GPR149: variants seen among roughly 807,000 people sequenced by gnomAD.
GPR149 encodes G protein-coupled receptor 149.
Under a neutral mutation model 50.2 loss-of-function variants are expected in GPR149, and 50 were observed. The ratio of observed to expected loss-of-function variants is 1.00; its 90% confidence interval spans 0.79 to 1.26. The LOEUF (loss-of-function observed/expected upper bound fraction) is 1.26. GPR149 is among the 50% of genes most tolerant of loss of function. The probability of loss-of-function intolerance (pLI) is 0.00; values close to 1 mark genes in which losing one functional copy is unlikely to be tolerated. For synonymous variants in GPR149, 405 were observed against 358.2 expected (o/e 1.13, Z -1.48); for missense variants, 983 against 895.4 (o/e 1.10, Z -1.25).
intron 3 of GPR149, among the ~76,000 whole-genome samples, chr3:154,407,600 A>C (rs1711730286): frequency 6.6e-6 from 1 of 151,988 alleles, no homozygotes; most frequent in Non-Finnish European, 1.5e-5. Flanking sequence ...ACTTGTTTTA[A>C]AATTATTAAT....
Position 154,337,943 on chromosome 3 carries a change from G to T in GPR149, c.1952C>A (p.Ser651Tyr). ...SQSSTQVRSP[S>Y]LRYSRKENRF... The stretch of plus-strand genomic sequence containing the variant: ...GTTTTCTTTCCTGGAGTAACGTAGG[G>T]ATGGAGATCTGACTTGTGTGGAGGA... The change falls in exon 4 of 4, where the codon TCC becomes TAC. Residue 651 changes from serine (S) to tyrosine (Y), a missense_variant. Transcript: ENST00000389740. 6.2e-7 allele frequency: 1 copy of T among 1,613,638 alleles called. No homozygotes were observed. Among genetic ancestry groups the T allele is most frequent in the South Asian group, 1.1e-5 (1 of 91,028 alleles).
chr3:154,394,698 C>T (rs764465480), intron 3 of GPR149, among the ~76,000 whole-genome samples: 3 of 152,056 alleles, frequency 2.0e-5, no homozygotes, highest in Non-Finnish European at 4.4e-5. Flanking sequence ...ATAAGGAACT[C>T]ATACAACTCA....
chr3:154,357,280 T>C (rs1326550850), intron 3 of GPR149, among the ~76,000 whole-genome samples: 1 of 152,058 alleles, frequency 6.6e-6, no homozygotes, highest in Admixed American at 6.6e-5. Context: ...GGGCAAGGAC[T>C]TCATGTCTAA....
intron 3 of GPR149, among the ~76,000 whole-genome samples, chr3:154,416,485 T>C (rs1021660663): frequency 2.6e-5 from 4 of 151,872 alleles, no homozygotes; most frequent in Non-Finnish European, 5.9e-5. Flanking sequence ...AGCTCTGATC[T>C]AAAGAGCTCA....
At position 154,349,711 on chromosome 3, in the gene GPR149, A is replaced by G. The variant is rs573911520; in HGVS notation, c.1624-11440T>C. 6.6e-5 allele frequency among the ~76,000 whole-genome samples: 10 copies of G among 152,352 alleles called. No individual in the cohort carries two copies. In the South Asian group the frequency reaches 1.9e-3, roughly 28 times the overall value. On this transcript the variant is annotated intron_variant, in intron 3 of 3. Coordinates refer to ENST00000389740, the MANE Select transcript of GPR149 (RefSeq NM_001038705.3). ...CACAATCTCTTACAGAAAATACAAGACAAAGGAATACTTCTTGATTCATTT... is the reference window on the plus strand; with the variant it reads ...CACAATCTCTTACAGAAAATACAAGGCAAAGGAATACTTCTTGATTCATTT...
intron 3 of GPR149, among the ~76,000 whole-genome samples, chr3:154,420,804 A>C (rs1239270590): frequency 6.6e-6 from 1 of 151,952 alleles, no homozygotes; most frequent in Admixed American, 6.6e-5. Flanking sequence ...ACCCTTCTTA[A>C]AGAGCCTGTT....
At chr3:154,385,741 G>A (rs1393152025) in intron 3 of GPR149, among the ~76,000 whole-genome samples, 4 of 141,932 alleles carry the variant, frequency 2.8e-5, no homozygotes, top group African/African-American at 7.9e-5. Context: ...TTGCTCTGTC[G>A]CCCAGGCTGG....
rs556194406 is a variant in GPR149 at position 154,375,607 on chromosome 3, A to T, written c.1624-37336T>A. ...GTCTTATCAAACATTTTAACAGATG[A>T]ATTATGTTGAAAATAGACAGATATT... On this transcript the variant is annotated intron_variant, in intron 3 of 3. Transcript: ENST00000389740. Among the ~76,000 whole-genome samples, 7 of 152,294 alleles carry T rather than the reference A, an allele frequency of 4.6e-5. No individual in the cohort carries two copies. The East Asian group carries it at 1.4e-3, about 29-fold the overall frequency.
intron 3 of GPR149, among the ~76,000 whole-genome samples, chr3:154,358,365 C>G (rs971051384): frequency 2.0e-5 from 3 of 152,026 alleles, no homozygotes; most frequent in Admixed American, 2.0e-4. Context: ...TCTTCCTATT[C>G]CAACATTCTA....
At chr3:154,386,575 T>G (rs1294429597) in intron 3 of GPR149, among the ~76,000 whole-genome samples, 3 of 152,236 alleles carry the variant, frequency 2.0e-5, no homozygotes, top group Non-Finnish European at 2.9e-5. Context: ...CCCTTTGTAG[T>G]GCAAACCAAT....
At chr3:154,341,978 T>A (rs1407939622) in intron 3 of GPR149, among the ~76,000 whole-genome samples, 2 of 152,188 alleles carry the variant, frequency 1.3e-5, no homozygotes, top group Non-Finnish European at 2.9e-5. Flanking sequence ...AATGAGTTAA[T>A]CAAATAAACT....
At chr3:154,369,541 G>A (rs1041691201) in intron 3 of GPR149, among the ~76,000 whole-genome samples, 1 of 151,986 alleles carries the variant, frequency 6.6e-6, no homozygotes, top group Non-Finnish European at 1.5e-5. Flanking sequence ...CCTCCATCCG[G>A]TCCCACCGAA....
chr3:154,378,108 G>A (rs1714836286), intron 3 of GPR149, among the ~76,000 whole-genome samples: 1 of 137,380 alleles, frequency 7.3e-6, no homozygotes, highest in Non-Finnish European at 1.5e-5. Context: ...TTTTGAGATG[G>A]AGTCCCCTCT....
chr3:154,367,119 G>C (rs1379961479), intron 3 of GPR149, among the ~76,000 whole-genome samples: 2 of 152,160 alleles, frequency 1.3e-5, no homozygotes, highest in Non-Finnish European at 2.9e-5. Context: ...GGAGGTTCCA[G>C]CTGAGCTTCC....
chr3:154,380,379 G>T (rs1340104726), intron 3 of GPR149, among the ~76,000 whole-genome samples: 4 of 152,074 alleles, frequency 2.6e-5, no homozygotes, highest in Admixed American at 2.6e-4. Context: ...TCTACTATTT[G>T]AATTGATGTC....
At chr3:154,399,475 G>A (rs1576921783) in intron 3 of GPR149, among the ~76,000 whole-genome samples, 1 of 152,162 alleles carries the variant, frequency 6.6e-6, no homozygotes, top group South Asian at 2.1e-4. Context: ...TCATCACTTG[G>A]TGTAGTAAAT....
chr3:154,343,778 A>G (rs988206006), intron 3 of GPR149, among the ~76,000 whole-genome samples: 3 of 152,084 alleles, frequency 2.0e-5, no homozygotes, highest in Non-Finnish European at 4.4e-5. Flanking sequence ...GAAATTTGAG[A>G]CAAGCCTGAG....
chr3:154,417,907 G>A (rs1050476533), intron 3 of GPR149, among the ~76,000 whole-genome samples: 3 of 152,072 alleles, frequency 2.0e-5, no homozygotes, highest in Non-Finnish European at 4.4e-5. Context: ...AAATTACAAT[G>A]TGAACATTTT....
chr3:154,346,204 G>A (rs144012941), intron 3 of GPR149, among the ~76,000 whole-genome samples: 47 of 152,242 alleles, frequency 3.1e-4, no homozygotes, highest in South Asian at 2.1e-3. Context: ...AGTGGAACAC[G>A]ACCATTTAAG....
Sources: gnomAD v4.1 joint callset for allele counts (sites outside exome capture counted in the v4.1 genomes callset) on GRCh38, gnomAD v4.1.1 for gene constraint, MANE v1.5 for transcripts, NCBI Gene and HGNC (gene_info 2026-07-23, HGNC 2026-07-21) for gene names.